CHCHD3: variants seen among roughly 807,000 people sequenced by gnomAD.
CHCHD3 encodes the protein MICOS complex subunit MIC19.
A neutral mutation model predicts 38.2 loss-of-function variants in CHCHD3; 20 were observed. The ratio of observed to expected loss-of-function variants is 0.52; its 90% CI spans 0.37 to 0.76. The LOEUF (loss-of-function observed/expected upper bound fraction) is 0.76. Ranked by LOEUF, CHCHD3 falls within the 30% of genes least tolerant of loss-of-function variation. The pLI, the probability that CHCHD3 is intolerant of heterozygous loss-of-function variation, is 0.00. For missense variants in CHCHD3, 245 were observed against 279.2 expected, an observed-to-expected ratio of 0.88 and a Z score of 0.87; for synonymous variants, 82 against 100.0, an observed-to-expected ratio of 0.82 and a Z score of 1.07.
At chr7:132,849,353 G>A (rs977512706) in intron 5 of CHCHD3, 1 of 152,150 alleles carries the variant, frequency 6.6e-6, no homozygotes, top group African/African-American at 2.4e-5. Flanking sequence ...TTTTATGTAA[G>A]CACTGAACTC....
chr7:132,857,150 T>C (rs1345226383), intron 5 of CHCHD3, among the ~76,000 whole-genome samples: 1 of 152,216 alleles, frequency 6.6e-6, no homozygotes, highest in African/African-American at 2.4e-5. Flanking sequence ...GCAAAGCTAA[T>C]TGCTATTTTA....
At chr7:132,921,212 T>C (rs1810253014) in intron 4 of CHCHD3, among the ~76,000 whole-genome samples, 1 of 152,188 alleles carries the variant, frequency 6.6e-6, no homozygotes, top group Non-Finnish European at 1.5e-5. Context: ...TTAAAAAAGA[T>C]TTGAGGGTCT....
At chr7:132,954,209 C>G (rs1811103574) in intron 4 of CHCHD3, among the ~76,000 whole-genome samples, 1 of 152,184 alleles carries the variant, frequency 6.6e-6, no homozygotes, top group South Asian at 2.1e-4. Context: ...GGCAGCCACT[C>G]TAAGCTTCTT....
At chr7:132,866,030 G>A (rs1808616762) in intron 5 of CHCHD3, among the ~76,000 whole-genome samples, 2 of 152,182 alleles carry the variant, frequency 1.3e-5, no homozygotes, top group Admixed American at 6.6e-5. Context: ...CTTTCGGCCT[G>A]TAACAACCAT....
chr7:133,017,439 C>T (rs1813059728), intron 3 of CHCHD3, among the ~76,000 whole-genome samples: 1 of 152,174 alleles, frequency 6.6e-6, no homozygotes, highest in African/African-American at 2.4e-5. Context: ...AACTCCACAT[C>T]CCCAGACCAA....
At chr7:132,811,207 G>A (rs1429646255) in intron 6 of CHCHD3, among the ~76,000 whole-genome samples, 1 of 152,206 alleles carries the variant, frequency 6.6e-6, no homozygotes, top group African/African-American at 2.4e-5. Context: ...CCCTATGCAT[G>A]GATCCAATTC....
intron 4 of CHCHD3, among the ~76,000 whole-genome samples, chr7:132,917,344 C>G (rs999463982): frequency 3.9e-5 from 6 of 152,104 alleles, no homozygotes; most frequent in Non-Finnish European, 8.8e-5. Context: ...AAGAGCCAGT[C>G]GTAATCCTCT....
At chr7:132,955,878 A>G (rs1319765382) in intron 4 of CHCHD3, among the ~76,000 whole-genome samples, 1 of 152,184 alleles carries the variant, frequency 6.6e-6, no homozygotes, top group African/African-American at 2.4e-5. Flanking sequence ...TGCTGAAGCC[A>G]ATGCCAGGGT....
intron 5 of CHCHD3, among the ~76,000 whole-genome samples, chr7:132,865,361 A>AAACCT (rs996658416): frequency 1.4e-4 from 22 of 152,204 alleles, no homozygotes; most frequent in Non-Finnish European, 2.9e-4. Flanking sequence ...CTGGAAACCT[A>AAACCT]AAACCAGGAA....
intron 2 of CHCHD3, among the ~76,000 whole-genome samples, chr7:133,065,565 C>T (rs1452228259): frequency 6.6e-6 from 1 of 152,122 alleles, no homozygotes; most frequent in African/African-American, 2.4e-5. Flanking sequence ...TAAAATTTAA[C>T]TCACATTTAA....
intron 4 of CHCHD3, among the ~76,000 whole-genome samples, chr7:132,949,450 A>T (rs1810985934): frequency 6.6e-6 from 1 of 152,186 alleles, no homozygotes; most frequent in African/African-American, 2.4e-5. Context: ...AATGAAGTTT[A>T]AAATCACAAG....
At chr7:132,950,147 A>G (rs1585666744) in intron 4 of CHCHD3, among the ~76,000 whole-genome samples, 1 of 152,324 alleles carries the variant, frequency 6.6e-6, no homozygotes, top group East Asian at 1.9e-4. Context: ...GCATGTTTCA[A>G]AAGTAAAGAG....
intron 5 of CHCHD3, among the ~76,000 whole-genome samples, chr7:132,884,344 G>A (rs1020831979): frequency 8.6e-5 from 13 of 151,942 alleles, no homozygotes; most frequent in African/African-American, 2.9e-4. Context: ...TATTCCTCCC[G>A]AAATTATCAT....
intron 3 of CHCHD3, among the ~76,000 whole-genome samples, chr7:133,008,198 T>C (rs1812754649): frequency 6.6e-6 from 1 of 152,190 alleles, no homozygotes; most frequent in African/African-American, 2.4e-5. Flanking sequence ...TAAATATTTC[T>C]GTCTTTGAAA....
chr7:132,854,216 G>A (rs984097929), intron 5 of CHCHD3, among the ~76,000 whole-genome samples: 3 of 152,096 alleles, frequency 2.0e-5, no homozygotes, highest in Admixed American at 1.3e-4. Context: ...CTAAAAATTT[G>A]TTCATTGTGG....
intron 3 of CHCHD3, among the ~76,000 whole-genome samples, chr7:133,017,422 A>C (rs1813058764): frequency 6.6e-6 from 1 of 152,242 alleles, no homozygotes; most frequent in Non-Finnish European, 1.5e-5. Context: ...ATGACTGAGT[A>C]CATTAAAACT....
At chr7:132,858,201 T>C (rs1257024464) in intron 5 of CHCHD3, among the ~76,000 whole-genome samples, 1 of 152,086 alleles carries the variant, frequency 6.6e-6, no homozygotes, top group African/African-American at 2.4e-5. Flanking sequence ...TAGCTAGGAC[T>C]ACAGGCACAC....
chr7:132,939,276 T>C (rs1810705116), intron 4 of CHCHD3, among the ~76,000 whole-genome samples: 1 of 152,164 alleles, frequency 6.6e-6, no homozygotes, highest in South Asian at 2.1e-4. Flanking sequence ...TACAACAATG[T>C]CCTAGGCCTT....
intron 6 of CHCHD3, among the ~76,000 whole-genome samples, chr7:132,823,146 T>A (rs989583600): frequency 6.6e-6 from 1 of 152,170 alleles, no homozygotes; most frequent in South Asian, 2.1e-4. Flanking sequence ...TTTTAAAAGG[T>A]TGATCTGGAA....
Sources: gnomAD v4.1 joint callset for allele counts (sites outside exome capture counted in the v4.1 genomes callset) on GRCh38, gnomAD v4.1.1 for gene constraint, MANE v1.5 for transcripts, NCBI Gene and HGNC (gene_info 2026-07-23, HGNC 2026-07-21) for gene names.